Variants in MARK3 observed in about 807,000 individuals in gnomAD.
MARK3 encodes the protein microtubule affinity regulating kinase 3.
In MARK3, 46 loss-of-function variants were observed where a neutral mutation model predicts 90.1. That is an observed-to-expected ratio of 0.51 (90% CI 0.40 to 0.65). The LOEUF (loss-of-function observed/expected upper bound fraction) is 0.65, where lower values mean the gene tolerates loss of function less well. Among genes scored for constraint, MARK3 ranks in the 30% least tolerant of loss-of-function variants. MARK3 has a pLI of 0.00. For missense variants in MARK3, 818 were observed against 947.2 expected (o/e 0.86, Z 1.79); for synonymous variants, 321 against 332.6 (o/e 0.97, Z 0.38).
intron 12 of MARK3, among the ~76,000 whole-genome samples, chr14:103,469,597 G>A (rs1358580887): frequency 6.6e-6 from 1 of 151,810 alleles, no homozygotes; most frequent in Admixed American, 6.6e-5. Flanking sequence ...GGGACTATAG[G>A]CACACACCAC....
At chr14:103,402,824 A>T (rs1258784639) in intron 1 of MARK3, among the ~76,000 whole-genome samples, 1 of 152,050 alleles carries the variant, frequency 6.6e-6, no homozygotes, top group Non-Finnish European at 1.5e-5. Context: ...ACATATTTTG[A>T]AAGACAGGTC....
intron 12 of MARK3, among the ~76,000 whole-genome samples, chr14:103,474,574 G>A (rs11628969): frequency 0.34 from 51,378 of 151,698 alleles, 9,042 homozygotes; most frequent in Middle Eastern, 0.46. Context: ...AAAAGAAGTG[G>A]CCCATAAAAT....
intron 6 of MARK3, 45 bp from the exon 7 acceptor site, chr14:103,462,360 C>T (rs770487087): frequency 5.9e-5 from 82 of 1,391,552 alleles, no homozygotes; most frequent in East Asian, 5.4e-4. Flanking sequence ...ATCTTAATTA[C>T]GAATCTGCAC....
At chr14:103,482,514 C>T (rs1200392547) in intron 14 of MARK3, among the ~76,000 whole-genome samples, 2 of 96,924 alleles carry the variant, frequency 2.1e-5, no homozygotes, top group Non-Finnish European at 5.3e-5. Flanking sequence ...GAGCAAGACT[C>T]ATCTAAAAAA....
chr14:103,386,372 C>T, intron 1 of MARK3: 1 of 678,058 alleles, frequency 1.5e-6, no homozygotes. Context: ...GGTTGCCGCG[C>T]AATGGATTGT....
intron 2 of MARK3, among the ~76,000 whole-genome samples, chr14:103,418,219 C>CT (rs36012703): frequency 0.018 from 1,115 of 61,636 alleles, 29 homozygotes; most frequent in African/African-American, 0.041. Flanking sequence ...ATAGTAAAGG[C>CT]TTTTTTTTTT....
Position 103,457,301 on chromosome 14 carries a change from T to C in MARK3, c.483+89T>C. Reference sequence around the variant, plus strand: ...AACAAGTGTTTGCCTCCATAAATGCTTATAAGGCCTGTTGGATGGCAGGGG... The same window carrying C: ...AACAAGTGTTTGCCTCCATAAATGCCTATAAGGCCTGTTGGATGGCAGGGG... On this transcript the variant is annotated intron_variant, in intron 6 of 17. Transcript: ENST00000429436. 4.2e-6 allele frequency: 4 copies of C among 948,626 alleles called. No individual in the cohort carries two copies. In the South Asian group the frequency reaches 5.9e-5, roughly 14 times the overall value. 58.8% of individuals were successfully genotyped at this position (948,626 alleles called of 1,614,324 possible).
At chr14:103,400,528 C>G (rs1005063907) in intron 1 of MARK3, among the ~76,000 whole-genome samples, 2 of 152,164 alleles carry the variant, frequency 1.3e-5, no homozygotes, top group Non-Finnish European at 1.5e-5. Flanking sequence ...GGAGAAGAAT[C>G]AGGACTCATT....
chr14:103,493,460 A>T (rs953648721), intron 15 of MARK3, among the ~76,000 whole-genome samples: 2 of 151,946 alleles, frequency 1.3e-5, no homozygotes, highest in Admixed American at 1.3e-4. Context: ...ACCTCATTTT[A>T]AACTGGGCAA....
intron 1 of MARK3, among the ~76,000 whole-genome samples, chr14:103,391,917 T>C (rs192636940): frequency 1.3e-5 from 2 of 152,094 alleles, no homozygotes; most frequent in Admixed American, 6.6e-5. Context: ...TCTATAGTTA[T>C]ATGGAGCCAC....
rs757430626 is a variant in MARK3 at position 103,475,228 on chromosome 14, A to G, written c.1482+18A>G. On this transcript the variant is annotated intron_variant, in intron 13 of 17. Transcript: ENST00000429436. ...TCCCTAGTGTAAGTGTTGTTGAACTATAGAGTGGTCTTAGGGTGGTAGGGT... is the reference window on the plus strand; with the variant it reads ...TCCCTAGTGTAAGTGTTGTTGAACTGTAGAGTGGTCTTAGGGTGGTAGGGT... 8 of 1,609,186 alleles carry G rather than the reference A, an allele frequency of 5.0e-6. No individual in the cohort carries two copies. Among genetic ancestry groups the G allele is most frequent in the African/African-American group, 2.7e-5 (2 of 74,930 alleles).
intron 3 of MARK3, among the ~76,000 whole-genome samples, chr14:103,446,871 A>G (rs573700013): frequency 8.4e-4 from 128 of 152,146 alleles, no homozygotes; most frequent in Non-Finnish European, 1.4e-3. Context: ...CAATTCAACT[A>G]TAATGGATTG....
chr14:103,495,492 A>G (rs1330718512), intron 15 of MARK3, among the ~76,000 whole-genome samples: 1 of 151,624 alleles, frequency 6.6e-6, no homozygotes, highest in Non-Finnish European at 1.5e-5. Context: ...AAAAAAAAAA[A>G]GTATCAGGCT....
At chr14:103,491,436 T>G in intron 14 of MARK3, 1 of 237,034 alleles carries the variant, frequency 4.2e-6, no homozygotes, top group Non-Finnish European at 8.3e-6. Flanking sequence ...CTTTATTTCT[T>G]TCGTATTGGC....
At position 103,503,210 on chromosome 14, in the gene MARK3, A is replaced by T; in HGVS notation, c.2245A>T (p.Asn749Tyr). 6.2e-7 allele frequency: 1 copy of T among 1,611,108 alleles called. No individual in the cohort carries two copies. The highest frequency in any genetic ancestry group is 2.2e-5 in the East Asian group (1 of 44,812). ...CAAAAATATTGCTTCCAAAATTGCC[A>T]ATGAGCTAAAGCTGTAACCCAGTGA... ...AFKNIASKIA[N>Y]ELKL The change falls in exon 18 of 18, where the codon AAT becomes TAT. Residue 749 changes from asparagine to tyrosine, a missense_variant. Transcript: ENST00000429436.
At chr14:103,399,513 C>T (rs939943344) in intron 1 of MARK3, among the ~76,000 whole-genome samples, 4 of 151,724 alleles carry the variant, frequency 2.6e-5, no homozygotes, top group East Asian at 1.9e-4. Context: ...ATCGAGACCA[C>T]GGTGAAACCT....
At chr14:103,408,038 A>G (rs1311947824) in intron 2 of MARK3, among the ~76,000 whole-genome samples, 1 of 152,152 alleles carries the variant, frequency 6.6e-6, no homozygotes, top group African/African-American at 2.4e-5. Flanking sequence ...TTTACATTGT[A>G]TTGGAATTGC....
Position 103,448,848 on chromosome 14 carries a change from A to G in MARK3, c.298-71A>G, listed in dbSNP as rs945187696. On this transcript the variant is annotated intron_variant, in intron 3 of 17. Transcript: ENST00000429436. ...TAAGAGAAAAATTTAAATTTATATTACAACAGTGGAATATAATGTTTAATA... is the reference window on the plus strand; with the variant it reads ...TAAGAGAAAAATTTAAATTTATATTGCAACAGTGGAATATAATGTTTAATA... The G allele has an allele frequency of 9.3e-6, 13 of 1,401,204 alleles. No individual in the cohort carries two copies. In the African/African-American group the frequency reaches 1.7e-4, roughly 19 times the overall value. 86.8% of individuals were successfully genotyped at this position (1,401,204 alleles called of 1,614,324 possible). A position where few individuals can be genotyped will look rare whatever the true frequency, so the allele number is the denominator to read the frequency against.
At chr14:103,482,617 G>T (rs2093846975) in intron 14 of MARK3, among the ~76,000 whole-genome samples, 1 of 151,994 alleles carries the variant, frequency 6.6e-6, no homozygotes, top group Non-Finnish European at 1.5e-5. Flanking sequence ...ACTGTCTGAG[G>T]TGCAGAGTCA....
Sources: gnomAD v4.1 joint callset for allele counts (sites outside exome capture counted in the v4.1 genomes callset) on GRCh38, gnomAD v4.1.1 for gene constraint, MANE v1.5 for transcripts, NCBI Gene and HGNC (gene_info 2026-07-23, HGNC 2026-07-21) for gene names.